Variants in CDK13 observed in about 807,000 individuals in gnomAD.
CDK13 encodes cyclin dependent kinase 13, also known as cyclin-dependent kinase 13.
Under a neutral mutation model 137.6 loss-of-function variants are expected in CDK13, and 40 were observed. That is an observed-to-expected ratio of 0.29 (90% CI 0.23 to 0.38). The LOEUF (loss-of-function observed/expected upper bound fraction) is 0.38, where lower values mean the gene tolerates loss of function less well. Among genes scored for constraint, CDK13 ranks in the 10% least tolerant of loss-of-function variants. CDK13 has a pLI of 1.00. For synonymous variants in CDK13, 869 were observed against 760.1 expected (o/e 1.14, Z -2.36); for missense variants, 1,704 against 1,951.8 (o/e 0.87, Z 2.39).
At chr7:40,002,723 A>G (rs1181142616) in intron 5 of CDK13, among the ~76,000 whole-genome samples, 2 of 152,118 alleles carry the variant, frequency 1.3e-5, no homozygotes, top group Non-Finnish European at 2.9e-5. Context: ...ACCAAAGTTT[A>G]CTGACTGTAT....
intron 1 of CDK13, among the ~76,000 whole-genome samples, chr7:39,963,420 CTGTT>C (rs368065837): frequency 0.05 from 7,552 of 152,090 alleles, 252 homozygotes; most frequent in Middle Eastern, 0.082. Context: ...ATTTGGCTCT[CTGTT>C]TGTCTGTTAT....
At chr7:40,055,294 C>G (rs1231453377) in intron 7 of CDK13, among the ~76,000 whole-genome samples, 1 of 151,622 alleles carries the variant, frequency 6.6e-6, no homozygotes, top group Non-Finnish European at 1.5e-5. Context: ...TGTATGTACA[C>G]ATTTATTTGA....
In CDK13 at chr7:40,098,669, T is replaced by G. The variant is rs951692299; in HGVS notation, c.*3689T>G. On this transcript the variant is annotated 3_prime_UTR_variant, in exon 14 of 14. Coordinates refer to ENST00000181839, the MANE Select transcript of CDK13 (RefSeq NM_003718.5). ...CTTAGAAAGAGGGATTGCCAGAAAC[T>G]TTGGCAGCTGGATTGCCTGTGCTTG... is the stretch of plus-strand genomic sequence containing the variant. 2.0e-5 allele frequency: 3 copies of G among 151,994 alleles called. No homozygotes were observed. The East Asian group carries it at 5.8e-4, about 29-fold the overall frequency. 9.4% of individuals were successfully genotyped at this position (151,994 alleles called of 1,614,324 possible). A position where few individuals can be genotyped will look rare whatever the true frequency, so the allele number is the denominator to read the frequency against.
In CDK13 at chr7:40,096,717, A is replaced by G. The variant is rs1381407492; in HGVS notation, c.*1737A>G. On this transcript the variant is annotated 3_prime_UTR_variant, in exon 14 of 14. Transcript: ENST00000181839. ...TATGTGGGAAGTCCTGTAGTTTGATAAGAGTAAAATTATTTTAAAGAGGAT... is the reference window on the plus strand; with the variant it reads ...TATGTGGGAAGTCCTGTAGTTTGATGAGAGTAAAATTATTTTAAAGAGGAT... The G allele has an allele frequency of 2.0e-5, 3 of 152,180 alleles. No homozygotes were observed. Among genetic ancestry groups the G allele is most frequent in the African/African-American group, 7.2e-5 (3 of 41,456 alleles). 9.4% of individuals were successfully genotyped at this position (152,180 alleles called of 1,614,324 possible).
At chr7:40,048,155 G>A (rs1481138670) in intron 7 of CDK13, 27 of 259,148 alleles carry the variant, frequency 1.0e-4, no homozygotes, top group Admixed American at 2.0e-4. Context: ...TTTCTAATAC[G>A]TATTCAGATA....
At chr7:40,020,093 G>C (rs1325499103) in intron 5 of CDK13, among the ~76,000 whole-genome samples, 1 of 151,616 alleles carries the variant, frequency 6.6e-6, no homozygotes. Flanking sequence ...TTTGAGACCG[G>C]GTCTTGCTCT....
At chr7:39,969,120 CT>C (rs1229667301) in intron 1 of CDK13, among the ~76,000 whole-genome samples, 2 of 152,112 alleles carry the variant, frequency 1.3e-5, no homozygotes, top group Admixed American at 1.3e-4. Flanking sequence ...AGCGATTCCC[CT>C]GTCTCAGCCT....
At chr7:40,087,920 A>G (rs1786827330) in intron 11 of CDK13, among the ~76,000 whole-genome samples, 1 of 152,178 alleles carries the variant, frequency 6.6e-6, no homozygotes, top group South Asian at 2.1e-4. Flanking sequence ...AAAGCCAAAG[A>G]AAAATAGATT....
chr7:39,966,139 C>T (rs1397554930), intron 1 of CDK13, among the ~76,000 whole-genome samples: 3 of 152,134 alleles, frequency 2.0e-5, no homozygotes, highest in Non-Finnish European at 2.9e-5. Flanking sequence ...GCGTTCTCTG[C>T]ATTTCCTGAA....
At chr7:40,025,720 T>A (rs1785229344) in intron 5 of CDK13, among the ~76,000 whole-genome samples, 1 of 152,228 alleles carries the variant, frequency 6.6e-6, no homozygotes, top group Non-Finnish European at 1.5e-5. Flanking sequence ...TGAAATTTTA[T>A]TTTGGAATTA....
intron 5 of CDK13, among the ~76,000 whole-genome samples, chr7:40,017,305 G>A (rs901395350): frequency 1.3e-5 from 2 of 152,006 alleles, no homozygotes; most frequent in Non-Finnish European, 2.9e-5. Context: ...GACTTTCATA[G>A]GATACATTCA....
chr7:40,063,427 A>G (rs1474547672), intron 9 of CDK13, among the ~76,000 whole-genome samples: 2 of 152,180 alleles, frequency 1.3e-5, no homozygotes, highest in African/African-American at 2.4e-5. Context: ...TGCTAGATAC[A>G]TATTTTTTAA....
At chr7:39,966,969 G>T (rs1329093844) in intron 1 of CDK13, among the ~76,000 whole-genome samples, 1 of 152,106 alleles carries the variant, frequency 6.6e-6, no homozygotes, top group Non-Finnish European at 1.5e-5. Context: ...TCGTTCCTCT[G>T]TAAGTTTTGT....
At chr7:39,973,852 A>T (rs1465606635) in intron 1 of CDK13, among the ~76,000 whole-genome samples, 1 of 152,336 alleles carries the variant, frequency 6.6e-6, no homozygotes, top group East Asian at 1.9e-4. Context: ...TTCCTTTTCC[A>T]TTGAATTGTC....
intron 4 of CDK13, 42 bp downstream of exon 4, chr7:39,999,542 G>A (rs770546900): frequency 6.5e-6 from 10 of 1,527,172 alleles, no homozygotes; most frequent in Non-Finnish European, 8.8e-6. Flanking sequence ...CCTACGGAAT[G>A]TACTTAGTTT....
intron 9 of CDK13, among the ~76,000 whole-genome samples, chr7:40,063,372 A>G (rs112268245): frequency 6.6e-4 from 101 of 152,338 alleles, no homozygotes; most frequent in Middle Eastern, 3.4e-3. Flanking sequence ...CTTGAGGCCC[A>G]AAAGATAAGA....
chr7:40,029,015 T>A (rs937194378), intron 5 of CDK13, among the ~76,000 whole-genome samples: 1 of 152,040 alleles, frequency 6.6e-6, no homozygotes, highest in African/African-American at 2.4e-5. Flanking sequence ...GGGTTTGAGC[T>A]GCATGGGTTC....
chr7:40,020,808 TA>T (rs1785100458), intron 5 of CDK13, among the ~76,000 whole-genome samples: 1 of 152,184 alleles, frequency 6.6e-6, no homozygotes. Context: ...TATTAAAAAG[TA>T]GGGGTGGGCA....
intron 9 of CDK13, among the ~76,000 whole-genome samples, chr7:40,075,516 A>C (rs1786527704): frequency 6.6e-6 from 1 of 152,104 alleles, no homozygotes; most frequent in African/African-American, 2.4e-5. Context: ...AGTATAATGA[A>C]ACTGTTGTTT....
Sources: gnomAD v4.1 joint callset for allele counts (sites outside exome capture counted in the v4.1 genomes callset) on GRCh38, gnomAD v4.1.1 for gene constraint, MANE v1.5 for transcripts, NCBI Gene and HGNC (gene_info 2026-07-23, HGNC 2026-07-21) for gene names.